Variants in GRID2 observed in about 807,000 individuals in gnomAD.
GRID2 encodes the protein glutamate receptor ionotropic, delta-2.
Under a neutral mutation model 114.8 loss-of-function variants are expected in GRID2, and 33 were observed. The ratio of observed to expected loss-of-function variants is 0.29; its 90% CI spans 0.22 to 0.38. The LOEUF (loss-of-function observed/expected upper bound fraction) is 0.38. Among genes scored for constraint, GRID2 ranks in the 10% least tolerant of loss-of-function variants. GRID2 has a pLI of 1.00. For synonymous variants in GRID2, 505 were observed against 449.9 expected, an observed-to-expected ratio of 1.12 and a Z score of -1.55; for missense variants, 1,184 against 1,257.7, an observed-to-expected ratio of 0.94 and a Z score of 0.89.
chr4:93,046,487 G>T (rs1377848004), intron 2 of GRID2, among the ~76,000 whole-genome samples: 1 of 152,034 alleles, frequency 6.6e-6, no homozygotes, highest in African/African-American at 2.4e-5. Flanking sequence ...CCACCTTGTT[G>T]TATGTATATA....
intron 4 of GRID2, among the ~76,000 whole-genome samples, chr4:93,111,633 GC>G (rs1732770043): frequency 1.3e-5 from 2 of 151,706 alleles, no homozygotes; most frequent in Admixed American, 6.6e-5. Flanking sequence ...ATGTCTTTTT[GC>G]CCCACTTCAA....
downstream of GRID2, chr4:93,774,578 T>A (rs895555823): frequency 6.6e-6 from 1 of 152,184 alleles, no homozygotes; most frequent in Non-Finnish European, 1.5e-5. Flanking sequence ...ACTATTGAAG[T>A]CTTAACTGTA....
chr4:92,342,154 C>A (rs1579208136), intron 1 of GRID2, among the ~76,000 whole-genome samples: 2 of 152,000 alleles, frequency 1.3e-5, no homozygotes, highest in Admixed American at 6.5e-5. Flanking sequence ...AAAAAATGCA[C>A]TAAAATGTAA....
At chr4:93,179,175 T>C (rs1255936774) in intron 4 of GRID2, among the ~76,000 whole-genome samples, 1 of 152,148 alleles carries the variant, frequency 6.6e-6, no homozygotes, top group Non-Finnish European at 1.5e-5. Context: ...TCTGAAACCG[T>C]TGGGTTTGTA....
At chr4:93,089,774 T>C (rs957892918) in intron 3 of GRID2, among the ~76,000 whole-genome samples, 8 of 152,144 alleles carry the variant, frequency 5.3e-5, no homozygotes, top group African/African-American at 1.9e-4. Context: ...TGCATCACTT[T>C]CATGGATGCT....
At chr4:93,682,633 G>T (rs1466741746) in intron 14 of GRID2, among the ~76,000 whole-genome samples, 4 of 152,156 alleles carry the variant, frequency 2.6e-5, no homozygotes, top group African/African-American at 9.6e-5. Context: ...CCTTTGTAGG[G>T]ACATGGATGA....
intron 1 of GRID2, among the ~76,000 whole-genome samples, chr4:92,356,801 A>G (rs900877339): frequency 6.6e-6 from 1 of 151,802 alleles, no homozygotes; most frequent in Non-Finnish European, 1.5e-5. Flanking sequence ...AAGGATTGAA[A>G]TTTTACAAAA....
At chr4:93,331,936 G>A (rs1758509105) in intron 8 of GRID2, among the ~76,000 whole-genome samples, 1 of 151,828 alleles carries the variant, frequency 6.6e-6, no homozygotes, top group Admixed American at 6.6e-5. Flanking sequence ...CTATAAAATT[G>A]TCATGTTCTT....
chr4:93,010,641 T>C (rs1415903226), intron 2 of GRID2, among the ~76,000 whole-genome samples: 1 of 152,186 alleles, frequency 6.6e-6, no homozygotes, highest in East Asian at 1.9e-4. Context: ...CTGTGAAGAT[T>C]TCTCACAACA....
At chr4:93,004,594 C>T (rs1721315379) in intron 2 of GRID2, among the ~76,000 whole-genome samples, 1 of 151,906 alleles carries the variant, frequency 6.6e-6, no homozygotes, top group African/African-American at 2.4e-5. Flanking sequence ...TGTTGTTCTA[C>T]CTCTTATTTT....
intron 8 of GRID2, among the ~76,000 whole-genome samples, chr4:93,338,396 G>GCATGCAGTTGGGAGGGGA (rs1226262053): frequency 6.6e-6 from 1 of 152,272 alleles, no homozygotes; most frequent in East Asian, 1.9e-4. Flanking sequence ...CCATAGCGAA[G>GCATGCAGTTGGGAGGGGA]CATGCAGTTG....
chr4:93,789,300 C>T (rs1734651168), intron 1 of GRID2, among the ~76,000 whole-genome samples: 1 of 152,156 alleles, frequency 6.6e-6, no homozygotes, highest in African/African-American at 2.4e-5. Context: ...ATAAGTAGAA[C>T]TGTTATAAAT....
At chr4:93,719,474 T>C (rs1729176148) in intron 14 of GRID2, among the ~76,000 whole-genome samples, 1 of 152,170 alleles carries the variant, frequency 6.6e-6, no homozygotes, top group Non-Finnish European at 1.5e-5. Flanking sequence ...GTGATTTTTT[T>C]TCTTGCCCAC....
chr4:92,949,913 T>C (rs545168642), intron 2 of GRID2, among the ~76,000 whole-genome samples: 1 of 152,228 alleles, frequency 6.6e-6, no homozygotes, highest in African/African-American at 2.4e-5. Context: ...AAACTGATGC[T>C]GAACCTGCAA....
chr4:92,835,323 C>T (rs1194272315), intron 2 of GRID2, among the ~76,000 whole-genome samples: 1 of 151,890 alleles, frequency 6.6e-6, no homozygotes, highest in African/African-American at 2.4e-5. Flanking sequence ...TTGGAGGCTG[C>T]ATAAGAGAAT....
At chr4:93,520,472 G>A (rs1460854988) in intron 13 of GRID2, among the ~76,000 whole-genome samples, 2 of 152,166 alleles carry the variant, frequency 1.3e-5, no homozygotes, top group African/African-American at 2.4e-5. Context: ...ATAGTTTGGA[G>A]AGAGGGGACA....
intron 2 of GRID2, among the ~76,000 whole-genome samples, chr4:92,915,598 C>T (rs1042369717): frequency 2.6e-5 from 4 of 152,016 alleles, no homozygotes; most frequent in African/African-American, 9.7e-5. Context: ...GATTGCTGGG[C>T]CAAATGTTAT....
intron 14 of GRID2, among the ~76,000 whole-genome samples, chr4:93,699,072 AC>A (rs1308941668): frequency 6.6e-6 from 1 of 152,106 alleles, no homozygotes; most frequent in Non-Finnish European, 1.5e-5. Flanking sequence ...TTCAACTCTT[AC>A]ACCTCCTCAA....
chr4:92,646,315 G>A (rs879277998), intron 2 of GRID2, among the ~76,000 whole-genome samples: 4 of 152,082 alleles, frequency 2.6e-5, no homozygotes, highest in Non-Finnish European at 5.9e-5. Flanking sequence ...ATAATTTGTG[G>A]GTATTTTCAA....
Sources: allele counts gnomAD v4.1 joint callset (sites outside exome capture counted in the v4.1 genomes callset), GRCh38; gene constraint gnomAD v4.1.1; transcripts MANE v1.5; gene names NCBI Gene and HGNC (gene_info 2026-07-23, HGNC 2026-07-21).